RAPH1: variants seen among roughly 807,000 people sequenced by gnomAD.
RAPH1 encodes Ras association (RalGDS/AF-6) and pleckstrin homology domains 1.
In RAPH1, 18 loss-of-function variants were observed where a neutral mutation model predicts 88.1. That is an observed-to-expected ratio of 0.20 (90% CI 0.14 to 0.30). The LOEUF (loss-of-function observed/expected upper bound fraction) is 0.30, where lower values mean the gene tolerates loss of function less well. RAPH1 is among the 10% of genes least tolerant of loss of function. The pLI, the probability that RAPH1 is intolerant of heterozygous loss-of-function variation, is 1.00. For missense variants in RAPH1, 1,448 were observed against 1,543.2 expected (o/e 0.94, Z 1.03); for synonymous variants, 587 against 559.0 (o/e 1.05, Z -0.71).
At chr2:203,477,046 G>A (rs1687487113) in intron 4 of RAPH1, 13 of 1,500,606 alleles carry the variant, frequency 8.7e-6, no homozygotes, top group South Asian at 1.1e-5. Flanking sequence ...TCTTCATTAA[G>A]TCATGCCATG....
Position 203,439,788 on chromosome 2 carries a change from A to T in RAPH1, c.3402T>A (p.Thr1134=), listed in dbSNP as rs946170383. The T allele has an allele frequency of 3.7e-6, 6 of 1,614,108 alleles. No individual in the cohort carries two copies. Among genetic ancestry groups the T allele is most frequent in the Middle Eastern group, 3.3e-4 (2 of 6,062 alleles). The change falls in exon 14 of 14, where the codon ACT becomes ACA. Residue 1134 remains threonine, a synonymous_variant. Coordinates refer to ENST00000319170, the MANE Select transcript of RAPH1 (RefSeq NM_213589.3). ...RPKRNDSTRL[T]QAEISEQPTM... ...TTGGCTGCTCAGAAATCTCAGCTTG[A>T]GTGAGGCGGGTGCTATCATTCCGTT...
At chr2:203,533,606 G>C (rs529159530) in intron 1 of RAPH1, among the ~76,000 whole-genome samples, 1 of 151,718 alleles carries the variant, frequency 6.6e-6, no homozygotes, top group Admixed American at 6.6e-5. Context: ...TCACTTAAAT[G>C]CCGAGGCTTC....
intron 1 of RAPH1, among the ~76,000 whole-genome samples, chr2:203,534,093 T>C (rs1581426894): frequency 6.6e-6 from 1 of 152,210 alleles, no homozygotes; most frequent in Non-Finnish European, 1.5e-5. Flanking sequence ...GGACTGACTC[T>C]TTAATAATCC....
At chr2:203,467,554 G>T (rs2098529564) in intron 4 of RAPH1, among the ~76,000 whole-genome samples, 2 of 151,874 alleles carry the variant, frequency 1.3e-5, no homozygotes, top group African/African-American at 4.8e-5. Flanking sequence ...AGCCAAGATG[G>T]CACCACTGCA....
At chr2:203,523,298 C>A (rs1045833286) in intron 1 of RAPH1, among the ~76,000 whole-genome samples, 2 of 150,782 alleles carry the variant, frequency 1.3e-5, no homozygotes, top group African/African-American at 4.9e-5. Flanking sequence ...GAGGCTGAGG[C>A]AGGAGAATGG....
chr2:203,530,860 C>A (rs933598772), intron 1 of RAPH1, among the ~76,000 whole-genome samples: 4 of 151,322 alleles, frequency 2.6e-5, no homozygotes, highest in Admixed American at 2.6e-4. Context: ...CCATTGCACT[C>A]CAGCCTGGGC....
rs752333993 is a variant in RAPH1 at position 203,439,479 on chromosome 2, G to A, written c.3711C>T (p.Pro1237=). 2 of 1,613,978 alleles carry A rather than the reference G, an allele frequency of 1.2e-6. No homozygotes were observed. Among genetic ancestry groups the A allele is most frequent in the Admixed American group, 1.7e-5 (1 of 60,030 alleles). The change falls in exon 14 of 14, where the codon CCC becomes CCT. Residue 1237 remains proline (P), a synonymous_variant. Transcript: ENST00000319170. The stretch of plus-strand genomic sequence containing the variant: ...GCTTGGTGTTCTGGTCTCTTTTGGG[G>A]GGAGCAGGAGGGGGTCCTCTCCGCA... The part of the protein sequence containing the change: ...ATLRRGPPPA[P]PKRDQNTKLS...
chr2:203,457,534 A>G lies in RAPH1; in HGVS notation c.1154T>C (p.Leu385Ser), dbSNP rs1231868252. The change falls in exon 8 of 14, where the codon TTG becomes TCG. Residue 385 changes from leucine (L) to serine (S), a missense_variant. Around this residue, in one of 2 missense-constraint regions of RAPH1, gnomAD observed 513 missense variants for 653.1 expected, o/e 0.79. Transcript: ENST00000319170. Reference sequence around the variant, plus strand: ...GGAAAATGGGGGTTGTCATACCTCCAAGAGGACTTCTTTGTTTCTATCTGC... The same window carrying G: ...GGAAAATGGGGGTTGTCATACCTCCGAGAGGACTTCTTTGTTTCTATCTGC... Reference protein sequence around the residue: ...EMADRNKEVLLEECFCGSSVT... With the variant: ...EMADRNKEVLSEECFCGSSVT... The G allele has an allele frequency of 6.2e-7, 1 of 1,612,124 alleles. No homozygotes were observed. Among genetic ancestry groups the G allele is most frequent in the Non-Finnish European group, 8.5e-7 (1 of 1,178,216 alleles).
chr2:203,507,460 C>T (rs1421733323), intron 1 of RAPH1, among the ~76,000 whole-genome samples: 2 of 152,076 alleles, frequency 1.3e-5, no homozygotes, highest in African/African-American at 4.8e-5. Flanking sequence ...AATATCTCCC[C>T]ACAAATTACT....
chr2:203,441,124 G>A lies in RAPH1; in HGVS notation c.2066C>T (p.Pro689Leu), dbSNP rs1400134372. 1.9e-6 allele frequency: 3 copies of A among 1,612,396 alleles called. No homozygotes were observed. The highest frequency in any genetic ancestry group is 2.5e-6 in the Non-Finnish European group (3 of 1,179,406). The change falls in exon 14 of 14, where the codon CCC (proline) becomes CTC (leucine). Residue 689 changes from proline to leucine, a missense_variant. Pro to Leu is a moderately conservative substitution (Grantham distance 98). This residue lies in a region of RAPH1 where 935 missense variants were observed against 890.1 expected (regional missense o/e 1.05). Transcript: ENST00000319170. ...HSGALFKPPT[P>L]PVMQSQSVKP... ...CACTGACTGTGACTGCATCACTGGG[G>A]GTGTTGGCGGCTTAAACAGGGCCCC...
At chr2:203,452,877 G>A (rs538407009) in intron 10 of RAPH1, among the ~76,000 whole-genome samples, 1 of 152,002 alleles carries the variant, frequency 6.6e-6, no homozygotes, top group Non-Finnish European at 1.5e-5. Flanking sequence ...GAACCCGGGA[G>A]GCAGAGGTTG....
chr2:203,517,457 T>G (rs574544065), intron 1 of RAPH1, among the ~76,000 whole-genome samples: 1 of 151,538 alleles, frequency 6.6e-6, no homozygotes, highest in East Asian at 1.9e-4. Context: ...ATGGGCAGAT[T>G]CAGCAGGCAA....
intron 1 of RAPH1, among the ~76,000 whole-genome samples, chr2:203,520,348 C>T (rs1312967276): frequency 6.7e-6 from 1 of 150,238 alleles, no homozygotes; most frequent in African/African-American, 2.5e-5. Flanking sequence ...AAAAACCACG[C>T]CAGGCATGGT....
chr2:203,444,540 T>C (rs1245826392), intron 13 of RAPH1: 2 of 315,246 alleles, frequency 6.3e-6, no homozygotes, highest in Non-Finnish European at 5.7e-6. Flanking sequence ...TGTTTTGCCA[T>C]CCAAACTGCT....
At chr2:203,442,006 T>G in intron 13 of RAPH1, 1 of 1,552,404 alleles carries the variant, frequency 6.4e-7, no homozygotes, top group Non-Finnish European at 8.7e-7. Context: ...CGTGTTGGTG[T>G]GAGACAATTG....
intron 2 of RAPH1, among the ~76,000 whole-genome samples, chr2:203,493,971 C>CAAAAAAAAAAAAAAAAA (rs397937732): frequency 2.6e-4 from 5 of 18,962 alleles, no homozygotes; most frequent in Non-Finnish European, 4.7e-4. Flanking sequence ...GACTCTATCT[C>CAAAAAAAAAAAAAAAAA]AAAAAAAAAA....
At chr2:203,485,276 T>C (rs2105804304) in intron 4 of RAPH1, among the ~76,000 whole-genome samples, 1 of 152,162 alleles carries the variant, frequency 6.6e-6, no homozygotes, top group South Asian at 2.1e-4. Flanking sequence ...CCAGGCGTGG[T>C]GGCATGTGCT....
rs2098500119 is a variant in RAPH1, at chr2:203,438,281, C to A, written c.*1156G>T. The A allele has an allele frequency of 2.2e-6, 1 of 456,674 alleles. No individual in the cohort carries two copies. Among genetic ancestry groups the A allele is most frequent in the Non-Finnish European group, 4.4e-6 (1 of 227,978 alleles). 28.3% of individuals were successfully genotyped at this position (456,674 alleles called of 1,614,324 possible). ...ATTACATATTATAACCCATATACAA[C>A]CAGATTAATGACACCTGTACAGGGG... On this transcript the variant is annotated 3_prime_UTR_variant, in exon 14 of 14. Transcript: ENST00000319170.
At position 203,490,004 on chromosome 2, in the gene RAPH1, A is replaced by G; in HGVS notation, c.312T>C (p.Gly104=). The G allele has an allele frequency of 1.2e-6, 2 of 1,614,240 alleles. No homozygotes were observed. Among genetic ancestry groups the G allele is most frequent in the Non-Finnish European group, 1.7e-6 (2 of 1,180,036 alleles). The stretch of plus-strand genomic sequence containing the variant: ...TGATTTGACGCTTACTGTTTCCTGA[A>G]CCAATGCTGCTGAGCTCCTGCTCTA... ...CSIEQELSSI[G]SGNSKRQITE... Residue 104 remains glycine, a synonymous_variant, in exon 4 of 14, where the codon GGT becomes GGC. Transcript: ENST00000319170.
Sources: gnomAD v4.1 joint callset for allele counts (sites outside exome capture counted in the v4.1 genomes callset) on GRCh38, gnomAD v4.1.1 for gene constraint, gnomAD v4.1.1 regional missense constraint, MANE v1.5 for transcripts, NCBI Gene and HGNC (gene_info 2026-07-23, HGNC 2026-07-21) for gene names.